The following CNTNAP2 variants were observed in gnomAD, a reference collection of about 807,000 sequenced individuals.
CNTNAP2 encodes the protein contactin-associated protein-like 2.
In CNTNAP2, 98 loss-of-function variants were observed where a neutral mutation model predicts 155.2. The ratio of observed to expected loss-of-function variants is 0.63; its 90% CI spans 0.54 to 0.75. The LOEUF (loss-of-function observed/expected upper bound fraction) is 0.75. CNTNAP2 is among the 30% of genes least tolerant of loss of function. CNTNAP2 has a pLI of 0.00. For missense variants in CNTNAP2, 1,727 were observed against 1,688.1 expected (o/e 1.02, Z -0.40); for synonymous variants, 651 against 631.2 (o/e 1.03, Z -0.47).
intron 15 of CNTNAP2, among the ~76,000 whole-genome samples, chr7:148,047,551 G>A (rs1802796589): frequency 6.6e-6 from 1 of 151,968 alleles, no homozygotes; most frequent in Admixed American, 6.6e-5. Context: ...TAAAAAAAAA[G>A]CACAAAAATG....
At chr7:147,319,765 A>G (rs1364099975) in intron 9 of CNTNAP2, among the ~76,000 whole-genome samples, 2 of 152,200 alleles carry the variant, frequency 1.3e-5, no homozygotes, top group African/African-American at 4.8e-5. Flanking sequence ...AAAAATCCAA[A>G]TTATTAGGAT....
chr7:148,288,326 C>G (rs754943089), intron 21 of CNTNAP2, among the ~76,000 whole-genome samples: 138 of 152,028 alleles, frequency 9.1e-4, no homozygotes, highest in Non-Finnish European at 9.7e-4. Context: ...GTCTCAAACT[C>G]CTGACTTCGT....
chr7:147,205,484 A>G (rs1480305264), intron 8 of CNTNAP2, among the ~76,000 whole-genome samples: 1 of 152,172 alleles, frequency 6.6e-6, no homozygotes, highest in African/African-American at 2.4e-5. Context: ...CTTTCAATCT[A>G]AAAACATGGA....
intron 3 of CNTNAP2, among the ~76,000 whole-genome samples, chr7:146,936,782 A>G (rs963961322): frequency 2.5e-4 from 38 of 152,150 alleles, no homozygotes; most frequent in African/African-American, 8.2e-4. Flanking sequence ...ACTGTAACCA[A>G]TCCAGTTGTT....
chr7:148,037,070 TG>T (rs1194068894), intron 15 of CNTNAP2, among the ~76,000 whole-genome samples: 2 of 152,200 alleles, frequency 1.3e-5, no homozygotes, highest in Non-Finnish European at 2.9e-5. Flanking sequence ...AAGTTTTAAA[TG>T]GGGGCTTTAC....
intron 1 of CNTNAP2, among the ~76,000 whole-genome samples, chr7:146,190,363 C>T (rs1214197511): frequency 1.3e-5 from 2 of 152,276 alleles, no homozygotes; most frequent in East Asian, 1.9e-4. Flanking sequence ...CTTAGAAAGA[C>T]TGTTGAAGTA....
intron 8 of CNTNAP2, among the ~76,000 whole-genome samples, chr7:147,199,087 G>A (rs553424927): frequency 2.8e-4 from 42 of 149,438 alleles, no homozygotes; most frequent in African/African-American, 7.4e-4. Flanking sequence ...TCAGCCTCCC[G>A]TGTAGCTGGG....
In CNTNAP2 at chr7:146,812,445, A is replaced by ATATATAT. The variant is rs1386547927; in HGVS notation, c.209-27266_209-27265insTATATAT. 5.3e-4 allele frequency among the ~76,000 whole-genome samples: 76 copies of ATATATAT among 144,546 alleles called. 1 individual carries two copies. Among genetic ancestry groups the ATATATAT allele is most frequent in the African/African-American group, 1.8e-3 (70 of 39,038 alleles). 94.8% of individuals were successfully genotyped at this position (144,546 alleles called of 152,430 possible). On this transcript the variant is annotated intron_variant, in intron 2 of 23. Coordinates refer to ENST00000361727, the MANE Select transcript of CNTNAP2 (RefSeq NM_014141.6). ...CTTTTATATGTATATATATATAAAAAATATATATATATATATATTTATACT... is the reference window on the plus strand; with the variant it reads ...CTTTTATATGTATATATATATAAAAATATATATATATATATATATATATATTTATACT...
intron 2 of CNTNAP2, among the ~76,000 whole-genome samples, chr7:146,806,464 C>G (rs1802968778): frequency 6.6e-6 from 1 of 150,862 alleles, no homozygotes; most frequent in South Asian, 2.1e-4. Flanking sequence ...CCATTGCACT[C>G]CAGCTTAGGC....
At chr7:146,878,181 C>G (rs906415647) in intron 3 of CNTNAP2, among the ~76,000 whole-genome samples, 1 of 152,068 alleles carries the variant, frequency 6.6e-6, no homozygotes, top group Non-Finnish European at 1.5e-5. Flanking sequence ...TCTTCTAGAT[C>G]CACTCTCCAC....
intron 21 of CNTNAP2, among the ~76,000 whole-genome samples, chr7:148,367,261 A>G (rs1009745195): frequency 2.0e-5 from 3 of 152,008 alleles, no homozygotes; most frequent in African/African-American, 7.2e-5. Context: ...AAAAACCATC[A>G]CATATGTTTG....
intron 1 of CNTNAP2, among the ~76,000 whole-genome samples, chr7:146,668,439 T>TGTGG (rs34211221): frequency 0.26 from 35,699 of 135,024 alleles, 5,064 homozygotes; most frequent in East Asian, 0.49. Flanking sequence ...TGTGTGTGTG[T>TGTGG]GTGTGTGTGT....
intron 4 of CNTNAP2, among the ~76,000 whole-genome samples, chr7:147,076,965 A>C (rs1025298869): frequency 3.9e-5 from 6 of 152,162 alleles, no homozygotes; most frequent in African/African-American, 1.2e-4. Context: ...CAAATAAGGA[A>C]CATTGTATTA....
chr7:146,507,566 C>T (rs1052971898), intron 1 of CNTNAP2, among the ~76,000 whole-genome samples: 4 of 152,114 alleles, frequency 2.6e-5, no homozygotes, highest in Non-Finnish European at 5.9e-5. Context: ...TCTCTAGTTG[C>T]CTCATTATTG....
intron 3 of CNTNAP2, among the ~76,000 whole-genome samples, chr7:146,990,830 C>A (rs975637836): frequency 2.8e-4 from 42 of 152,064 alleles, no homozygotes; most frequent in African/African-American, 8.9e-4. Context: ...GGGAAAATGA[C>A]TTTTTGAAGT....
chr7:146,581,593 G>A (rs547834730), intron 1 of CNTNAP2, among the ~76,000 whole-genome samples: 2 of 151,358 alleles, frequency 1.3e-5, no homozygotes, highest in Admixed American at 6.6e-5. Flanking sequence ...TTTGTAAAAT[G>A]GTTATCAAAG....
chr7:147,406,561 A>G lies in CNTNAP2; in HGVS notation c.1670+10781A>G, dbSNP rs562844482. Among the ~76,000 whole-genome samples the G allele has an allele frequency of 1.5e-4, 23 of 152,360 alleles. 1 individual carries two copies. The highest frequency in any genetic ancestry group is 5.5e-4 in the African/African-American group (23 of 41,586). Reference sequence around the variant, plus strand: ...AAGAGGGCAACAAGCTTAGTTTTTCAGATAGCATTGTCTAAAATTCTCATG... The same window carrying G: ...AAGAGGGCAACAAGCTTAGTTTTTCGGATAGCATTGTCTAAAATTCTCATG... On this transcript the variant is annotated intron_variant, in intron 10 of 23. Coordinates refer to ENST00000361727, the MANE Select transcript of CNTNAP2 (RefSeq NM_014141.6).
At chr7:146,247,347 G>C (rs1225096880) in intron 1 of CNTNAP2, among the ~76,000 whole-genome samples, 1 of 152,166 alleles carries the variant, frequency 6.6e-6, no homozygotes, top group African/African-American at 2.4e-5. Flanking sequence ...ACTGTAAGCC[G>C]GACCGGGTGT....
At chr7:146,455,809 T>A (rs56085622) in intron 1 of CNTNAP2, among the ~76,000 whole-genome samples, 1,975 of 152,246 alleles carry the variant, frequency 0.013, 29 homozygotes, top group Middle Eastern at 0.061. Flanking sequence ...ACTGAAGAAA[T>A]TAGTGGTCAG....
Sources: allele counts gnomAD v4.1 joint callset (sites outside exome capture counted in the v4.1 genomes callset), GRCh38; gene constraint gnomAD v4.1.1; transcripts MANE v1.5; gene names NCBI Gene and HGNC (gene_info 2026-07-23, HGNC 2026-07-21).